Variants in CCDC39 observed in about 807,000 individuals in gnomAD.
The protein encoded by CCDC39 is coiled-coil domain 39 molecular ruler complex subunit.
In CCDC39, 113 loss-of-function variants were observed where a neutral mutation model predicts 121.0. That is an observed-to-expected ratio of 0.93 (90% confidence interval 0.80 to 1.09). CCDC39 has a LOEUF of 1.09. Ranked by LOEUF, CCDC39 falls within the 50% of genes least tolerant of loss-of-function variation. The pLI is 0.00. For missense variants in CCDC39, 1,063 were observed against 1,074.7 expected (o/e 0.99, Z 0.15); for synonymous variants, 349 against 352.2 (o/e 0.99, Z 0.10).
intron 6 of CCDC39, 129 bp downstream of exon 6, chr3:180,659,323 A>C: frequency 8.5e-7 from 1 of 1,181,276 alleles, no homozygotes; most frequent in Non-Finnish European, 1.2e-6. Flanking sequence ...AAAAATATTT[A>C]CCAAAACTAC....
At chr3:180,634,784 C>T (rs538004533) in intron 13 of CCDC39, among the ~76,000 whole-genome samples, 54 of 152,258 alleles carry the variant, frequency 3.5e-4, no homozygotes, top group African/African-American at 1.3e-3. Context: ...CTGGATCACA[C>T]CCCAAAGCTT....
chr3:180,670,639 C>CTTTTTTTTTTTTTTTTTTCT (rs573623299), intron 1 of CCDC39, among the ~76,000 whole-genome samples: 1 of 120,428 alleles, frequency 8.3e-6, no homozygotes, highest in Non-Finnish European at 1.8e-5. Flanking sequence ...TTTTTTTTCT[C>CTTTTTTTTTTTTTTTTTTCT]TTTTTTTTTT....
Position 180,679,448 on chromosome 3 carries a change from C to G in CCDC39, c.-68G>C. 2 of 1,449,682 alleles carry G rather than the reference C, an allele frequency of 1.4e-6. No homozygotes were observed. Among genetic ancestry groups the G allele is most frequent in the Non-Finnish European group, 1.9e-6 (2 of 1,031,208 alleles). 89.8% of individuals were successfully genotyped at this position (1,449,682 alleles called of 1,614,324 possible). Reference sequence around the variant, plus strand: ...TCTTGTACAGCGGGTGAGCAGCACCCGCGTCAAGCCCAGGCACCTGCACAG... The same window carrying G: ...TCTTGTACAGCGGGTGAGCAGCACCGGCGTCAAGCCCAGGCACCTGCACAG... On this transcript the variant is annotated 5_prime_UTR_variant, in exon 1 of 20. Transcript: ENST00000476379. The surrounding 1 kb of genome is among the most constrained non-coding windows in gnomAD (Gnocchi z 4.0).
At position 180,616,669 on chromosome 3, in the gene CCDC39, A is replaced by G. The variant is rs1377396318; in HGVS notation, c.2433T>C (p.Arg811=). Residue 811 remains arginine, a synonymous_variant, in exon 18 of 20, where the codon CGT becomes CGC. Coordinates refer to ENST00000476379, the MANE Select transcript of CCDC39 (RefSeq NM_181426.2). ...KQCAKLTKEI[R]LLKDTKDETM... The stretch of plus-strand genomic sequence containing the variant: ...TTTCATCTTTTGTGTCTTTCAAAAG[A>G]CGGATTTCCTTTGTGAGTTTTGCAC... 1.9e-6 allele frequency: 3 copies of G among 1,591,846 alleles called. No individual in the cohort carries two copies. Among genetic ancestry groups the G allele is most frequent in the South Asian group, 2.3e-5 (2 of 88,624 alleles).
chr3:180,646,350 C>A (rs1289507364), intron 11 of CCDC39, among the ~76,000 whole-genome samples: 1 of 151,972 alleles, frequency 6.6e-6, no homozygotes, highest in Admixed American at 6.6e-5. Flanking sequence ...CTTTTTATAA[C>A]CACCAGAGGA....
At chr3:180,658,733 A>T (rs1243906456) in intron 6 of CCDC39, among the ~76,000 whole-genome samples, 2 of 152,210 alleles carry the variant, frequency 1.3e-5, no homozygotes, top group African/African-American at 4.8e-5. Context: ...AACCAAAAGT[A>T]AACCACACCC....
At chr3:180,617,484 C>A in intron 16 of CCDC39, 1 of 685,138 alleles carries the variant, frequency 1.5e-6, no homozygotes, top group Non-Finnish European at 2.7e-6. Flanking sequence ...CAGCTCCATT[C>A]ATGTTACTGA....
At chr3:180,677,191 T>TATAA (rs1553807767) in intron 1 of CCDC39, among the ~76,000 whole-genome samples, 6 of 99,908 alleles carry the variant, frequency 6.0e-5, no homozygotes, top group Non-Finnish European at 1.0e-4. Flanking sequence ...TATATATATA[T>TATAA]ATATATATAT....
In CCDC39 at chr3:180,648,196, G is replaced by C; in HGVS notation, c.1331C>G (p.Thr444Ser). ...GTACATAATTTCTTGCTGCTTCAAGGTTTCAAAATCCAGTTTTTGTAACTG... is the reference window on the plus strand; with the variant it reads ...GTACATAATTTCTTGCTGCTTCAAGCTTTCAAAATCCAGTTTTTGTAACTG... ...NHQLQKLDFE[T>S]LKQQEIMYSQ... The change falls in exon 10 of 20, where the codon ACC (threonine) becomes AGC (serine). Residue 444 changes from threonine to serine, a missense_variant. Transcript: ENST00000476379. 1 of 1,613,246 alleles carries C rather than the reference G, an allele frequency of 6.2e-7. No individual in the cohort carries two copies. The highest frequency in any genetic ancestry group is 8.5e-7 in the Non-Finnish European group (1 of 1,179,480).
intron 14 of CCDC39, among the ~76,000 whole-genome samples, chr3:180,620,174 G>A (rs1362629282): frequency 1.3e-5 from 2 of 150,418 alleles, no homozygotes; most frequent in Non-Finnish European, 2.9e-5. Flanking sequence ...ATGGCACATA[G>A]GATACAGAAT....
intron 1 of CCDC39, among the ~76,000 whole-genome samples, chr3:180,668,481 T>G (rs1428946091): frequency 6.6e-6 from 1 of 152,174 alleles, no homozygotes; most frequent in Non-Finnish European, 1.5e-5. Context: ...TAATGGCTAG[T>G]TGTATATTAT....
chr3:180,675,266 A>G (rs557458583), intron 1 of CCDC39, among the ~76,000 whole-genome samples: 13 of 152,260 alleles, frequency 8.5e-5, no homozygotes, highest in African/African-American at 3.1e-4. Context: ...GTTTACTTGC[A>G]TAGAGGTGTT....
At chr3:180,623,522 T>C (rs563790093) in intron 14 of CCDC39, among the ~76,000 whole-genome samples, 1 of 152,234 alleles carries the variant, frequency 6.6e-6, no homozygotes, top group African/African-American at 2.4e-5. Flanking sequence ...CTTGTTTTGC[T>C]AATTCCTTGA....
At chr3:180,677,327 G>A (rs1241656551) in intron 1 of CCDC39, among the ~76,000 whole-genome samples, 1 of 149,202 alleles carries the variant, frequency 6.7e-6, no homozygotes, top group Non-Finnish European at 1.5e-5. Flanking sequence ...GAATAAAAGT[G>A]ACTGCGGTAA....
chr3:180,654,604 T>C (rs1711538747), intron 7 of CCDC39, among the ~76,000 whole-genome samples, 158 bp downstream of exon 7: 1 of 142,564 alleles, frequency 7.0e-6, no homozygotes, highest in East Asian at 2.0e-4. Context: ...ATCCCAAAAG[T>C]TCCACAAACA....
At position 180,660,814 on chromosome 3, in the gene CCDC39, A is replaced by G. The variant is rs139393610; in HGVS notation, c.358-86T>C. 279 of 1,169,888 alleles carry G rather than the reference A, an allele frequency of 2.4e-4. No homozygotes were observed. In the African/African-American group the frequency reaches 3.6e-3, roughly 15 times the overall value. The allele number at this position is 1,169,888 out of a possible 1,614,324, so 72.5% of individuals were successfully genotyped here. ...AAAATAAAACATACCTTTATATACT[A>G]TGGAGCAAAATTAAAAATGAGGAAA... On this transcript the variant is annotated intron_variant, in intron 3 of 19. Transcript: ENST00000476379.
intron 2 of CCDC39, among the ~76,000 whole-genome samples, chr3:180,662,595 TTG>T (rs2108430456): frequency 6.6e-6 from 1 of 152,258 alleles, no homozygotes; most frequent in Admixed American, 6.5e-5. Context: ...TATTATTCTT[TTG>T]TCTCTATTAC....
At chr3:180,665,485 A>C (rs190628470) in intron 1 of CCDC39, among the ~76,000 whole-genome samples, 13 of 152,234 alleles carry the variant, frequency 8.5e-5, no homozygotes, top group African/African-American at 3.1e-4. Flanking sequence ...AAAAAATACT[A>C]ATTTACTCAT....
In CCDC39 at chr3:180,673,525, C is replaced by T. The variant is rs550364786; in HGVS notation, c.90+5766G>A. On this transcript the variant is annotated intron_variant, in intron 1 of 19. Transcript: ENST00000476379. The stretch of plus-strand genomic sequence containing the variant: ...AGTATTTTCAATTAAGGTATGCACA[C>T]GTTTTGAATTTTTTATTGAACACCT... 6.6e-5 allele frequency among the ~76,000 whole-genome samples: 10 copies of T among 152,178 alleles called. No individual in the cohort carries two copies. In the East Asian group the frequency reaches 7.7e-4, roughly 12 times the overall value.
Sources: allele counts gnomAD v4.1 joint callset (sites outside exome capture counted in the v4.1 genomes callset), GRCh38; gene constraint gnomAD v4.1.1; non-coding constraint Gnocchi (gnomAD v3.1); transcripts MANE v1.5; gene names NCBI Gene and HGNC (gene_info 2026-07-23, HGNC 2026-07-21).